KCNJ13: variants seen among roughly 807,000 people sequenced by gnomAD.
The protein encoded by KCNJ13 is inward rectifier potassium channel 13.
A neutral mutation model predicts 24.6 loss-of-function variants in KCNJ13; 9 were observed. That is an observed-to-expected ratio of 0.37 (90% CI 0.22 to 0.64). The LOEUF is 0.64. Among genes scored for constraint, KCNJ13 ranks in the 30% least tolerant of loss-of-function variants. The probability of loss-of-function intolerance (pLI) is 0.64; values close to 1 mark genes in which losing one functional copy is unlikely to be tolerated. For synonymous variants in KCNJ13, 148 were observed against 154.7 expected (o/e 0.96, Z 0.32); for missense variants, 337 against 443.8 (o/e 0.76, Z 2.16).
Position 232,766,016 on chromosome 2 carries a change from A to T in KCNJ13, c.*2175T>A, listed in dbSNP as rs924216122. 2.1e-6 allele frequency: 1 copy of T among 470,970 alleles called. No homozygotes were observed. Among genetic ancestry groups the T allele is most frequent in the African/African-American group, 2.0e-5 (1 of 50,076 alleles). The allele number at this position is 470,970 out of a possible 1,614,324, so 29.2% of individuals were successfully genotyped here. The stretch of plus-strand genomic sequence containing the variant: ...GCACATCCAGAAAGGCAGAGCAGCC[A>T]TTCCTCCCTCCCAGTAATTTCCGCC... On this transcript the variant is annotated 3_prime_UTR_variant, in exon 3 of 3. Transcript: ENST00000233826.
intron 1 of KCNJ13, among the ~76,000 whole-genome samples, chr2:232,772,011 G>T (rs1056779093): frequency 6.6e-6 from 1 of 152,132 alleles, no homozygotes; most frequent in South Asian, 2.1e-4. Context: ...TAGAGACAGG[G>T]TCTTGCTCTG....
Position 232,768,493 on chromosome 2 carries a change from T to G in KCNJ13, c.781A>C (p.Asn261His), listed in dbSNP as rs772086040. Residue 261 changes from asparagine (N) to histidine (H), a missense_variant, in exon 3 of 3, where the codon AAT (asparagine) becomes CAT (histidine). Transcript: ENST00000233826. ...ACAACTAATTCAAAGTGAGAAGGAT[T>G]TTCATGCTGGAGCAGAGTAGCCAGA... ...SPLATLLQHENPSHFELVVFL... is the reference protein window; with the variant it reads ...SPLATLLQHEHPSHFELVVFL... 3.7e-6 allele frequency: 6 copies of G among 1,614,038 alleles called. No individual in the cohort carries two copies. In the Admixed American group the frequency reaches 8.3e-5, roughly 22 times the overall value.
Position 232,765,981 on chromosome 2 carries a change from T to G in KCNJ13, c.*2210A>C, listed in dbSNP as rs1467667764. 1 of 469,920 alleles carries G rather than the reference T, an allele frequency of 2.1e-6. No individual in the cohort carries two copies. Among genetic ancestry groups the G allele is most frequent in the Non-Finnish European group, 4.4e-6 (1 of 226,778 alleles). 29.1% of individuals were successfully genotyped at this position (469,920 alleles called of 1,614,324 possible). ...TGACCAAGCTCCCAGATGATCCAGG[T>G]TAGTGAGCTGCACATCCAGAAAGGC... is the stretch of plus-strand genomic sequence containing the variant. On this transcript the variant is annotated 3_prime_UTR_variant, in exon 3 of 3. Transcript: ENST00000233826.
intron 1 of KCNJ13, 27 bp from the exon 2 acceptor site, chr2:232,771,405 T>G: frequency 1.4e-6 from 2 of 1,409,314 alleles, no homozygotes; most frequent in Non-Finnish European, 2.0e-6. Flanking sequence ...ATTAGTAAGC[T>G]CTTAACTGTT....
At chr2:232,773,910 TAAAA>T (rs61323973) in intron 1 of KCNJ13, among the ~76,000 whole-genome samples, 8 of 112,798 alleles carry the variant, frequency 7.1e-5, no homozygotes, top group African/African-American at 9.5e-5. Flanking sequence ...TGTCTCTATT[TAAAA>T]AAAAAAAAAA....
At position 232,766,778 on chromosome 2, in the gene KCNJ13, G is replaced by A. The variant is rs1698981129; in HGVS notation, c.*1413C>T. ...CTGCTGAGCCCTGCTCTTCACACCT[G>A]CTTGCCTTTACTCAGCTAGTATTTA... On this transcript the variant is annotated 3_prime_UTR_variant, in exon 3 of 3. Coordinates refer to ENST00000233826, the MANE Select transcript of KCNJ13 (RefSeq NM_002242.4). 6.6e-6 allele frequency: 1 copy of A among 152,122 alleles called. No individual in the cohort carries two copies. The highest frequency in any genetic ancestry group is 2.1e-4 in the South Asian group (1 of 4,836). 9.4% of individuals were successfully genotyped at this position (152,122 alleles called of 1,614,324 possible). A position where few individuals can be genotyped will look rare whatever the true frequency, so the allele number is the denominator to read the frequency against.
At position 232,771,290 on chromosome 2, in the gene KCNJ13, C is replaced by A; in HGVS notation, c.73G>T (p.Gly25Cys). The A allele has an allele frequency of 7.5e-6, 12 of 1,609,700 alleles. No individual in the cohort carries two copies. Among genetic ancestry groups the A allele is most frequent in the Non-Finnish European group, 1.0e-5 (12 of 1,177,644 alleles). Residue 25 changes from glycine (G) to cysteine (C), a missense_variant, in exon 2 of 3, where the codon GGC becomes TGC. Transcript: ENST00000233826. ...QRYRRMVTKD[G>C]HSTLQMDGAQ... ...CCATCCATTTGAAGTGTGCTGTGGC[C>A]ATCCTTGGTGACCATCCTCCGGTAT...
At chr2:232,773,151 G>A (rs1286989254) in intron 1 of KCNJ13, among the ~76,000 whole-genome samples, 1 of 152,086 alleles carries the variant, frequency 6.6e-6, no homozygotes, top group Non-Finnish European at 1.5e-5. Flanking sequence ...ACCCTAACAA[G>A]TTGTCATAAT....
In KCNJ13 at chr2:232,776,498, CA is replaced by C. The variant is rs779834022; in HGVS notation, c.-71del. 149 of 1,398,452 alleles carry C rather than the reference CA, an allele frequency of 1.1e-4. 1 individual carries two copies. The Admixed American group carries it at 1.2e-3, about 11-fold the overall frequency. 86.6% of individuals were successfully genotyped at this position (1,398,452 alleles called of 1,614,324 possible). On this transcript the variant is annotated 5_prime_UTR_variant, in exon 1 of 3. Coordinates refer to ENST00000233826, the MANE Select transcript of KCNJ13 (RefSeq NM_002242.4). The stretch of plus-strand genomic sequence containing the variant: ...CCAAGGTAGGTCTTAAGGAAATTTA[CA>C]GAGTCTGCCTTTTTGATCAGATAAT...
In KCNJ13 at chr2:232,775,747, A is replaced by G. The variant is rs555247797; in HGVS notation, c.-17+698T>C. ...TTCTGTTGCCATGATAAAAAATAGT[A>G]TAGTTCATACTGAGGAGTTAAGATA... On this transcript the variant is annotated intron_variant, in intron 1 of 2. Coordinates refer to ENST00000233826, the MANE Select transcript of KCNJ13 (RefSeq NM_002242.4). 4.6e-5 allele frequency among the ~76,000 whole-genome samples: 7 copies of G among 152,330 alleles called. No individual in the cohort carries two copies. In the South Asian group the frequency reaches 1.5e-3, roughly 32 times the overall value.
chr2:232,772,337 G>A (rs1011389794), intron 1 of KCNJ13, among the ~76,000 whole-genome samples: 1 of 152,130 alleles, frequency 6.6e-6, no homozygotes, highest in Non-Finnish European at 1.5e-5. Context: ...TGATTAGATT[G>A]GGGGGTAGAA....
chr2:232,775,332 A>C (rs1189576367), intron 1 of KCNJ13, among the ~76,000 whole-genome samples: 2 of 147,426 alleles, frequency 1.4e-5, no homozygotes, highest in Non-Finnish European at 2.9e-5. Context: ...TTAGATTAAA[A>C]CAAAGAAAGT....
intron 2 of KCNJ13, among the ~76,000 whole-genome samples, 175 bp downstream of exon 2, chr2:232,770,728 A>ATT (rs59336151): frequency 2.1e-4 from 32 of 151,048 alleles, no homozygotes; most frequent in South Asian, 1.0e-3. Flanking sequence ...CATTTCTCCT[A>ATT]TTTTTTTTGG....
At chr2:232,770,876 T>G in intron 2 of KCNJ13, 27 bp downstream of exon 2, 2 of 1,561,890 alleles carry the variant, frequency 1.3e-6, no homozygotes, top group Non-Finnish European at 1.8e-6. Context: ...TTGTTTTTGT[T>G]TTTTTTAAGA....
intron 2 of KCNJ13, among the ~76,000 whole-genome samples, chr2:232,770,111 T>C (rs1699171467): frequency 6.6e-6 from 1 of 152,188 alleles, no homozygotes; most frequent in Admixed American, 6.5e-5. Context: ...GGAACTCTTG[T>C]TGTAGAAGTT....
chr2:232,775,372 T>C (rs541465139), intron 1 of KCNJ13, among the ~76,000 whole-genome samples: 19 of 152,340 alleles, frequency 1.2e-4, no homozygotes, highest in African/African-American at 4.1e-4. Flanking sequence ...ATAATAAGAT[T>C]TCTTAAAGCT....
At position 232,768,688 on chromosome 2, in the gene KCNJ13, G is replaced by C. The variant is rs199606834; in HGVS notation, c.586C>G (p.Pro196Ala). ...NLIFQVANTR[P>A]SPLTSVRVSA... ...ACCCGGACACTGGTTAGAGGGCTAG[G>C]TCGGGTGTTGGCCACTTGGAAGATA... Residue 196 changes from proline to alanine, a missense_variant, in exon 3 of 3, where the codon CCT becomes GCT. Coordinates refer to ENST00000233826, the MANE Select transcript of KCNJ13 (RefSeq NM_002242.4). 1.7e-5 allele frequency: 28 copies of C among 1,607,960 alleles called. No individual in the cohort carries two copies. The highest frequency in any genetic ancestry group is 2.2e-5 in the Non-Finnish European group (26 of 1,175,154).
Position 232,776,443 on chromosome 2 carries a change from AC to A in KCNJ13, c.-17+1del. 1 of 1,603,270 alleles carries A rather than the reference AC, an allele frequency of 6.2e-7. No individual in the cohort carries two copies. The highest frequency in any genetic ancestry group is 8.5e-7 in the Non-Finnish European group (1 of 1,172,682). On this transcript the variant is annotated splice_donor_variant, in intron 1 of 2. Transcript: ENST00000233826. LOFTEE classifies it low-confidence loss of function (5UTR_SPLICE). ...AGAATGGATATTATTGCATGTACTC[AC>A]CAGTTCTTTTGCTGGGTCAGCCTTT...
At chr2:232,775,611 T>C (rs1240080402) in intron 1 of KCNJ13, among the ~76,000 whole-genome samples, 9 of 152,168 alleles carry the variant, frequency 5.9e-5, no homozygotes, top group Admixed American at 5.9e-4. Context: ...TATTTGCCCA[T>C]TTATAAATTA....
Sources: allele counts gnomAD v4.1 joint callset (sites outside exome capture counted in the v4.1 genomes callset), GRCh38; gene constraint gnomAD v4.1.1; transcripts MANE v1.5; gene names NCBI Gene and HGNC (gene_info 2026-07-23, HGNC 2026-07-21).